The following PRRC2C variants were observed in gnomAD, a reference collection of about 807,000 sequenced individuals.
PRRC2C encodes the protein proline rich coiled-coil 2C.
A neutral mutation model predicts 317.2 loss-of-function variants in PRRC2C; 72 were observed. That is an observed-to-expected ratio of 0.23 (90% CI 0.19 to 0.28). PRRC2C has a LOEUF of 0.28. Ranked by LOEUF, PRRC2C falls within the 10% of genes least tolerant of loss-of-function variation. PRRC2C has a pLI of 1.00. For synonymous variants in PRRC2C, 1,296 were observed against 1,205.9 expected (o/e 1.07, Z -1.55); for missense variants, 3,074 against 3,459.7 (o/e 0.89, Z 2.80).
At chr1:171,509,360 G>C (rs551346086) in intron 1 of PRRC2C, among the ~76,000 whole-genome samples, 1 of 152,310 alleles carries the variant, frequency 6.6e-6, no homozygotes, top group South Asian at 2.1e-4. Context: ...GGAGTACTGA[G>C]CTGAAGGTAA....
At chr1:171,547,124 G>A (rs555388674) in intron 17 of PRRC2C, among the ~76,000 whole-genome samples, 29 of 152,174 alleles carry the variant, frequency 1.9e-4, no homozygotes, top group Admixed American at 3.3e-4. Context: ...AAACAAAAAA[G>A]ACAGTAAAAA....
intron 33 of PRRC2C, 140 bp from the exon 34 acceptor site, chr1:171,589,229 G>A: frequency 2.5e-6 from 1 of 395,934 alleles, no homozygotes; most frequent in Non-Finnish European, 4.6e-6. Context: ...TAATGGAATG[G>A]CACAATCTGT....
At chr1:171,583,328 TA>T (rs1324218507) in intron 28 of PRRC2C, among the ~76,000 whole-genome samples, 2 of 148,630 alleles carry the variant, frequency 1.3e-5, no homozygotes, top group Admixed American at 1.4e-4. Flanking sequence ...TTTAACTTTT[TA>T]AACTTTTTTG....
intron 16 of PRRC2C, among the ~76,000 whole-genome samples, chr1:171,543,101 C>T (rs1678292852): frequency 1.3e-5 from 2 of 148,774 alleles, no homozygotes; most frequent in African/African-American, 2.5e-5. Context: ...GGGCCTGGTG[C>T]GGTGGCTCCT....
intron 17 of PRRC2C, among the ~76,000 whole-genome samples, chr1:171,549,749 A>G (rs1433318270): frequency 1.3e-5 from 2 of 152,116 alleles, no homozygotes; most frequent in East Asian, 1.9e-4. Context: ...TTTAGTAGAG[A>G]CAGAGTTTTG....
chr1:171,525,633 C>A (rs1674415465), intron 10 of PRRC2C, among the ~76,000 whole-genome samples: 1 of 152,096 alleles, frequency 6.6e-6, no homozygotes, highest in Non-Finnish European at 1.5e-5. Context: ...GTTTCCTTGA[C>A]AGGAAAAAAA....
chr1:171,576,810 A>G (rs1685773444), intron 25 of PRRC2C, among the ~76,000 whole-genome samples: 1 of 152,072 alleles, frequency 6.6e-6, no homozygotes, highest in Admixed American at 6.6e-5. Flanking sequence ...CTTCCATCTC[A>G]GCCTCCCAAG....
Position 171,587,142 on chromosome 1 carries a change from G to A in PRRC2C, c.7889G>A (p.Arg2630His), listed in dbSNP as rs376772339. 47 of 1,610,924 alleles carry A rather than the reference G, an allele frequency of 2.9e-5. No individual in the cohort carries two copies. Among genetic ancestry groups the A allele is most frequent in the South Asian group, 5.5e-5 (5 of 90,110 alleles). The change falls in exon 31 of 35, where the codon CGT (arginine) becomes CAT (histidine). Residue 2630 changes from arginine (R) to histidine (H), a missense_variant. This residue lies in a region of PRRC2C where 490 missense variants were observed against 663.1 expected (regional missense o/e 0.74). Coordinates refer to ENST00000647382, the MANE Select transcript of PRRC2C (RefSeq NM_001387844.1). ...CAAGCACAGGCTCAGAGTCTGAGTC[G>A]TCCTGCACAAGTAAGCCAGCCTTTC... ...TPQAQAQSLS[R>H]PAQVSQPFRG...
intron 6 of PRRC2C, among the ~76,000 whole-genome samples, chr1:171,518,400 A>G (rs776221830): frequency 6.8e-6 from 1 of 147,542 alleles, no homozygotes; most frequent in Non-Finnish European, 1.5e-5. Context: ...GGGGTGGTTC[A>G]TGGAAAAAAT....
At position 171,534,484 on chromosome 1, in the gene PRRC2C, AT is replaced by A. The variant is rs1414145405; in HGVS notation, c.1874-942del. Among the ~76,000 whole-genome samples the A allele has an allele frequency of 5.3e-5, 8 of 151,768 alleles. No individual in the cohort carries two copies. In the East Asian group the frequency reaches 1.2e-3, roughly 22 times the overall value. ...CATGTGATTTTTTTTTCCCCCCTCA[AT>A]TCTGATACTAGACACATACAATTTT... On this transcript the variant is annotated intron_variant, in intron 12 of 34. Transcript: ENST00000647382.
chr1:171,585,672 TTGTGATTATTTGACA>T (rs1189082314), intron 30 of PRRC2C, among the ~76,000 whole-genome samples: 3 of 152,212 alleles, frequency 2.0e-5, no homozygotes, highest in African/African-American at 7.2e-5. Flanking sequence ...CTCATTTACT[TTGTGATTATTTGACA>T]TGTCCTGTGG....
At chr1:171,569,603 T>C (rs1684378692) in intron 23 of PRRC2C, among the ~76,000 whole-genome samples, 1 of 132,554 alleles carries the variant, frequency 7.5e-6, no homozygotes, top group African/African-American at 2.7e-5. Context: ...TGGTTTTTTT[T>C]TTCTTTTTTT....
intron 31 of PRRC2C, 130 bp from the exon 32 acceptor site, chr1:171,587,518 A>G: frequency 1.5e-6 from 1 of 661,542 alleles, no homozygotes; most frequent in Non-Finnish European, 2.6e-6. Context: ...CTTGAAGCCT[A>G]ACTATAGGAG....
chr1:171,558,572 A>G (rs1681912791), intron 19 of PRRC2C, among the ~76,000 whole-genome samples: 1 of 152,194 alleles, frequency 6.6e-6, no homozygotes, highest in Non-Finnish European at 1.5e-5. Flanking sequence ...TTTATCTGTT[A>G]TGGTGGTCAG....
At position 171,540,156 on chromosome 1, in the gene PRRC2C, G is replaced by C; in HGVS notation, c.2690G>C (p.Cys897Ser). ...HHTDANNQSA[C>S]FEAPDQKTLS... ...ACTGATGCAAATAATCAGTCTGCTT[G>C]TTTTGAAGCACCTGATCAAAAGACC... Residue 897 changes from cysteine (C) to serine (S), a missense_variant, in exon 16 of 35, where the codon TGT (cysteine) becomes TCT (serine). This residue lies in a region of PRRC2C where 1,320 missense variants were observed against 1,395.7 expected (regional missense o/e 0.95). Transcript: ENST00000647382. The C allele has an allele frequency of 3.1e-6, 5 of 1,613,878 alleles. No individual in the cohort carries two copies. The highest frequency in any genetic ancestry group is 4.2e-6 in the Non-Finnish European group (5 of 1,179,840).
intron 18 of PRRC2C, 91 bp from the exon 19 acceptor site, chr1:171,557,149 C>A: frequency 6.9e-7 from 1 of 1,452,838 alleles, no homozygotes; most frequent in African/African-American, 1.4e-5. Flanking sequence ...AGTAAAGGAG[C>A]CAAGTTAGTG....
chr1:171,560,756 C>T (rs896473814), intron 19 of PRRC2C, among the ~76,000 whole-genome samples: 6 of 152,168 alleles, frequency 3.9e-5, no homozygotes, highest in Admixed American at 3.9e-4. Flanking sequence ...TTGATATGCA[C>T]TTGGAAACCA....
intron 18 of PRRC2C, among the ~76,000 whole-genome samples, chr1:171,553,876 C>T (rs1047817437): frequency 2.6e-5 from 4 of 152,070 alleles, no homozygotes; most frequent in African/African-American, 9.7e-5. Context: ...GTGAGGAGTG[C>T]TTACTTCCAA....
At chr1:171,507,502 T>A (rs79419933) in intron 1 of PRRC2C, among the ~76,000 whole-genome samples, 2 of 152,078 alleles carry the variant, frequency 1.3e-5, no homozygotes, top group African/African-American at 4.8e-5. Context: ...TCCCAACTAC[T>A]TGGGAGGCAG....
Sources: allele counts gnomAD v4.1 joint callset (sites outside exome capture counted in the v4.1 genomes callset), GRCh38; gene constraint gnomAD v4.1.1; regional missense constraint gnomAD v4.1.1; transcripts MANE v1.5; gene names NCBI Gene and HGNC (gene_info 2026-07-23, HGNC 2026-07-21).